SBF2: variants seen among roughly 807,000 people sequenced by gnomAD.
SBF2 encodes myotubularin-related protein 13.
A neutral mutation model predicts 225.2 loss-of-function variants in SBF2; 112 were observed. The ratio of observed to expected loss-of-function variants is 0.50; its 90% confidence interval spans 0.43 to 0.58. SBF2 has a LOEUF of 0.58. Among genes scored for constraint, SBF2 ranks in the 20% least tolerant of loss-of-function variants. SBF2 has a pLI of 0.00. For missense variants in SBF2, 1,996 were observed against 2,206.2 expected (o/e 0.90, Z 1.91); for synonymous variants, 763 against 773.3 (o/e 0.99, Z 0.22).
At chr11:9,833,193 T>C (rs1159615034) in intron 26 of SBF2, among the ~76,000 whole-genome samples, 2 of 152,212 alleles carry the variant, frequency 1.3e-5, no homozygotes, top group African/African-American at 2.4e-5. Flanking sequence ...TGAGTTTAAA[T>C]AGTTAATAAC....
intron 2 of SBF2, among the ~76,000 whole-genome samples, chr11:10,077,098 A>G (rs1436086668): frequency 6.6e-6 from 1 of 152,156 alleles, no homozygotes; most frequent in Non-Finnish European, 1.5e-5. Context: ...AGCTTATTAC[A>G]TTATCTGTTG....
chr11:10,107,859 A>C (rs1436384904), intron 2 of SBF2, among the ~76,000 whole-genome samples: 4 of 152,164 alleles, frequency 2.6e-5, no homozygotes, highest in Non-Finnish European at 5.9e-5. Context: ...TTCACAGGTT[A>C]TGGATAGACA....
chr11:10,104,559 G>C (rs960702525), intron 2 of SBF2, among the ~76,000 whole-genome samples: 2 of 152,176 alleles, frequency 1.3e-5, no homozygotes, highest in African/African-American at 2.4e-5. Context: ...CTGGGTGTGA[G>C]AGACAGGGAG....
chr11:10,293,079 A>T (rs764331650), intron 1 of SBF2, among the ~76,000 whole-genome samples: 5 of 152,224 alleles, frequency 3.3e-5, no homozygotes, highest in African/African-American at 1.2e-4. Context: ...TGTAGAGCTG[A>T]TATCTCAAAT....
chr11:10,064,159 A>G (rs951650063), intron 2 of SBF2, among the ~76,000 whole-genome samples: 5 of 152,170 alleles, frequency 3.3e-5, no homozygotes, highest in African/African-American at 1.2e-4. Flanking sequence ...AGCATATATA[A>G]AACTACAATA....
chr11:9,871,355 A>G (rs1002351923), intron 17 of SBF2, among the ~76,000 whole-genome samples: 1 of 151,856 alleles, frequency 6.6e-6, no homozygotes, highest in African/African-American at 2.4e-5. Context: ...ACTTCTCAAA[A>G]TAAGACATAC....
intron 13 of SBF2, among the ~76,000 whole-genome samples, chr11:9,979,575 G>T (rs1311386888): frequency 6.6e-6 from 1 of 152,032 alleles, no homozygotes; most frequent in Admixed American, 6.6e-5. Context: ...ATCAGGCATG[G>T]TTATAAATAA....
chr11:9,816,302 C>T (rs1317021811), intron 29 of SBF2, among the ~76,000 whole-genome samples: 1 of 152,130 alleles, frequency 6.6e-6, no homozygotes, highest in African/African-American at 2.4e-5. Flanking sequence ...AATTTTCTGA[C>T]ACATCTTAGG....
At chr11:10,265,276 T>A (rs1225109039) in intron 1 of SBF2, among the ~76,000 whole-genome samples, 1 of 152,214 alleles carries the variant, frequency 6.6e-6, no homozygotes, top group East Asian at 1.9e-4. Flanking sequence ...ACTGCCATTC[T>A]AACTGGTGTG....
chr11:10,115,949 G>A (rs1003018136), intron 2 of SBF2, among the ~76,000 whole-genome samples: 1 of 152,062 alleles, frequency 6.6e-6, no homozygotes, highest in Admixed American at 6.6e-5. Flanking sequence ...GGCAGATCAC[G>A]AGGTCAGGAG....
At position 10,029,861 on chromosome 11, in the gene SBF2, C is replaced by G; in HGVS notation, c.417G>C (p.Leu139Phe). The part of the protein sequence containing the change: ...YPEIFRACLG[L>F]IYTVYVDSLN... ...GGCTGTCCACATACACGGTATAGAT[C>G]AAACCCAGGCAAGCCTGCAAAAAGA... is the stretch of plus-strand genomic sequence containing the variant. The change falls in exon 5 of 40, where the codon TTG (leucine) becomes TTC (phenylalanine). Residue 139 changes from leucine to phenylalanine, a missense_variant. Physicochemically the swap from Leu to Phe is conservative, Grantham distance 22. Coordinates refer to ENST00000256190, the MANE Select transcript of SBF2 (RefSeq NM_030962.4). 6.2e-7 allele frequency: 1 copy of G among 1,611,472 alleles called. No homozygotes were observed. The highest frequency in any genetic ancestry group is 8.5e-7 in the Non-Finnish European group (1 of 1,177,648).
intron 37 of SBF2, among the ~76,000 whole-genome samples, chr11:9,784,755 A>G (rs1852260498): frequency 6.6e-6 from 1 of 152,166 alleles, no homozygotes; most frequent in African/African-American, 2.4e-5. Flanking sequence ...AAGCTAGCAT[A>G]CCCTTGGCTG....
chr11:9,871,966 T>A (rs576964105), intron 17 of SBF2, among the ~76,000 whole-genome samples: 1 of 152,210 alleles, frequency 6.6e-6, no homozygotes, highest in Non-Finnish European at 1.5e-5. Flanking sequence ...ATCCCATTAC[T>A]GGGTATACGC....
At chr11:10,294,788 C>A (rs1472287663), upstream of SBF2, among the ~76,000 whole-genome samples, 1 of 152,208 alleles carries the variant, frequency 6.6e-6, no homozygotes, top group Non-Finnish European at 1.5e-5. Flanking sequence ...TCCCCCGGAG[C>A]GCCCGGGAGA....
rs1337083866 is a variant in SBF2, at chr11:9,894,283, C to A, written c.1929+1660G>T. Among the ~76,000 whole-genome samples the A allele has an allele frequency of 2.0e-5, 3 of 152,146 alleles. No homozygotes were observed. The East Asian group carries it at 5.8e-4, about 29-fold the overall frequency. On this transcript the variant is annotated intron_variant, in intron 17 of 39. Transcript: ENST00000256190. The stretch of plus-strand genomic sequence containing the variant: ...CCTGTAATCCCAGCACTTTGGGAGG[C>A]CAAGGCAGGCGGATCACAAGGTCAG...
chr11:9,797,073 T>A (rs776883816), intron 32 of SBF2, among the ~76,000 whole-genome samples: 12 of 152,208 alleles, frequency 7.9e-5, no homozygotes, highest in Non-Finnish European at 1.8e-4. Flanking sequence ...TAATTGTACT[T>A]GCTCAAAAGC....
chr11:10,234,435 T>G (rs926702802), intron 1 of SBF2, among the ~76,000 whole-genome samples: 4 of 152,236 alleles, frequency 2.6e-5, no homozygotes, highest in Non-Finnish European at 5.9e-5. Context: ...AATTTTAATT[T>G]GTTTTATAAC....
intron 1 of SBF2, among the ~76,000 whole-genome samples, chr11:10,257,218 C>A (rs115684002): frequency 0.021 from 3,246 of 152,272 alleles, 86 homozygotes; most frequent in African/African-American, 0.064. Flanking sequence ...TCAATGACTG[C>A]AAAGTACAAT....
chr11:10,059,816 A>C (rs990415815), intron 2 of SBF2, among the ~76,000 whole-genome samples: 3 of 152,230 alleles, frequency 2.0e-5, no homozygotes, highest in Admixed American at 2.0e-4. Flanking sequence ...GAAATAAAGA[A>C]GTTCTTTAAA....
Sources: gnomAD v4.1 joint callset for allele counts (sites outside exome capture counted in the v4.1 genomes callset) on GRCh38, gnomAD v4.1.1 for gene constraint, MANE v1.5 for transcripts, NCBI Gene and HGNC (gene_info 2026-07-23, HGNC 2026-07-21) for gene names.